RALGPS1: variants seen among roughly 807,000 people sequenced by gnomAD.
The protein encoded by RALGPS1 is ras-specific guanine nucleotide-releasing factor RalGPS1.
A neutral mutation model predicts 78.8 loss-of-function variants in RALGPS1; 19 were observed. That is an observed-to-expected ratio of 0.24 (90% CI 0.17 to 0.35). The LOEUF is 0.35. Ranked by LOEUF, RALGPS1 falls within the 10% of genes least tolerant of loss-of-function variation. RALGPS1 has a pLI of 1.00. For missense variants in RALGPS1, 454 were observed against 688.3 expected (o/e 0.66, Z 3.81); for synonymous variants, 228 against 256.3 (o/e 0.89, Z 1.06).
chr9:127,204,558 G>A (rs2061828917), intron 14 of RALGPS1, among the ~76,000 whole-genome samples: 1 of 152,146 alleles, frequency 6.6e-6, no homozygotes, highest in South Asian at 2.1e-4. Flanking sequence ...ATGGACTGGA[G>A]TGATGGCAAA....
chr9:127,029,281 G>A (rs1255188586), intron 4 of RALGPS1, among the ~76,000 whole-genome samples: 1 of 152,124 alleles, frequency 6.6e-6, no homozygotes. Flanking sequence ...ACCCACTCTG[G>A]TCAGGTCCCC....
intron 8 of RALGPS1, chr9:127,087,796 C>T (rs12554810): frequency 0.018 from 2,751 of 152,306 alleles, 41 homozygotes; most frequent in Non-Finnish European, 0.03. Flanking sequence ...AGCCTGAGAG[C>T]GTGGAATCTC....
At chr9:127,090,095 G>A (rs147321533) in intron 8 of RALGPS1, among the ~76,000 whole-genome samples, 2 of 152,294 alleles carry the variant, frequency 1.3e-5, no homozygotes, top group South Asian at 2.1e-4. Flanking sequence ...GGTCCCTCTG[G>A]GCCATGATTC....
intron 1 of RALGPS1, among the ~76,000 whole-genome samples, chr9:126,915,183 T>C (rs1588412100): frequency 9.9e-6 from 1 of 100,636 alleles, no homozygotes; most frequent in South Asian, 3.4e-4. Flanking sequence ...CGCCGGGGCC[T>C]GGCCGGGGTC....
intron 4 of RALGPS1, among the ~76,000 whole-genome samples, chr9:127,023,535 T>C (rs1228304224): frequency 3.3e-5 from 5 of 152,188 alleles, no homozygotes; most frequent in Non-Finnish European, 7.4e-5. Context: ...GCTGGTCTTC[T>C]TCCAGGGAGG....
chr9:127,007,654 G>A lies in RALGPS1; in HGVS notation c.217-26777G>A, dbSNP rs913162842. On this transcript the variant is annotated intron_variant, in intron 4 of 18. Coordinates refer to ENST00000259351, the MANE Select transcript of RALGPS1 (RefSeq NM_014636.3). ...GAGGGAGCAGCATGTACCAAGGCCT[G>A]AGGCAAGAGAAAGCAAGACAGGGAG... is the stretch of plus-strand genomic sequence containing the variant. Among the ~76,000 whole-genome samples the A allele has an allele frequency of 2.6e-5, 4 of 152,186 alleles. No individual in the cohort carries two copies. In the South Asian group the frequency reaches 8.3e-4, roughly 32 times the overall value.
intron 17 of RALGPS1, among the ~76,000 whole-genome samples, chr9:127,214,357 G>C (rs2062455177): frequency 6.6e-6 from 1 of 152,094 alleles, no homozygotes; most frequent in African/African-American, 2.4e-5. Context: ...CTCTTTTACA[G>C]TGCAGTATCG....
intron 8 of RALGPS1, chr9:127,093,682 G>C (rs1224224381): frequency 6.2e-7 from 1 of 1,600,558 alleles, no homozygotes; most frequent in Non-Finnish European, 8.5e-7. Flanking sequence ...CCTCTCTTGG[G>C]GTGGGCCAGT....
At chr9:127,017,585 T>C (rs2044974987) in intron 4 of RALGPS1, among the ~76,000 whole-genome samples, 1 of 152,202 alleles carries the variant, frequency 6.6e-6, no homozygotes, top group Non-Finnish European at 1.5e-5. Flanking sequence ...TTTTCTTCAA[T>C]AATAAATTAA....
chr9:127,217,072 T>G lies in RALGPS1; in HGVS notation c.1645-1668T>G. On this transcript the variant is annotated intron_variant, in intron 18 of 18. Transcript: ENST00000259351. ...CCTGAGTAAAACCCATTGTCCCTCTTTGGAGGAGCGGCCAGAGGATGACAG... is the reference window on the plus strand; with the variant it reads ...CCTGAGTAAAACCCATTGTCCCTCTGTGGAGGAGCGGCCAGAGGATGACAG... 3 of 1,404,904 alleles carry G rather than the reference T, an allele frequency of 2.1e-6. No individual in the cohort carries two copies. The South Asian group carries it at 4.9e-5, about 23-fold the overall frequency. 87.0% of individuals were successfully genotyped at this position (1,404,904 alleles called of 1,614,324 possible).
chr9:127,110,639 T>TCC (rs1329890687), intron 8 of RALGPS1, among the ~76,000 whole-genome samples: 1 of 152,206 alleles, frequency 6.6e-6, no homozygotes, highest in African/African-American at 2.4e-5. Flanking sequence ...AACTCGTTTT[T>TCC]CCCCGTATCT....
intron 8 of RALGPS1, among the ~76,000 whole-genome samples, chr9:127,141,633 A>T (rs1658972198): frequency 6.6e-6 from 1 of 151,210 alleles, no homozygotes; most frequent in Admixed American, 6.6e-5. Context: ...AAAAAAAAAA[A>T]AAAAAAAGAA....
At chr9:127,040,912 A>G (rs944946007) in intron 5 of RALGPS1, among the ~76,000 whole-genome samples, 6 of 152,110 alleles carry the variant, frequency 3.9e-5, no homozygotes, top group Non-Finnish European at 8.8e-5. Context: ...TTGTATGTGT[A>G]TATTCCATTG....
chr9:127,188,763 TGA>T (rs2060827784), intron 11 of RALGPS1, among the ~76,000 whole-genome samples: 1 of 146,020 alleles, frequency 6.8e-6, no homozygotes, highest in African/African-American at 2.5e-5. Flanking sequence ...GCCAGGAGCT[TGA>T]GACCAGCCTG....
At chr9:127,043,529 C>T (rs1283091795) in intron 5 of RALGPS1, among the ~76,000 whole-genome samples, 1 of 152,002 alleles carries the variant, frequency 6.6e-6, no homozygotes, top group African/African-American at 2.4e-5. Flanking sequence ...AGAAGAAAAC[C>T]TGTATGACCT....
chr9:127,067,184 A>G (rs982874265), intron 7 of RALGPS1, among the ~76,000 whole-genome samples: 2 of 152,190 alleles, frequency 1.3e-5, no homozygotes, highest in African/African-American at 4.8e-5. Flanking sequence ...AGCAAGTAGA[A>G]GATGGTGTTT....
At chr9:127,108,801 G>GA in intron 8 of RALGPS1, 2 of 1,463,112 alleles carry the variant, frequency 1.4e-6, no homozygotes, top group Non-Finnish European at 1.8e-6. Flanking sequence ...ACAGAGGGGA[G>GA]AATCAGTGAT....
At chr9:127,045,754 C>CACAT (rs1554804738) in intron 5 of RALGPS1, among the ~76,000 whole-genome samples, 81 of 45,690 alleles carry the variant, frequency 1.8e-3, no homozygotes, top group African/African-American at 3.8e-3. Flanking sequence ...CACACACACA[C>CACAT]ACACACATAC....
intron 2 of RALGPS1, among the ~76,000 whole-genome samples, chr9:126,965,098 C>T (rs2039343170): frequency 6.6e-6 from 1 of 152,208 alleles, no homozygotes; most frequent in East Asian, 1.9e-4. Flanking sequence ...AAATCAGCCA[C>T]ATTTGAGGAG....
Sources: gnomAD v4.1 joint callset for allele counts (sites outside exome capture counted in the v4.1 genomes callset) on GRCh38, gnomAD v4.1.1 for gene constraint, MANE v1.5 for transcripts, NCBI Gene and HGNC (gene_info 2026-07-23, HGNC 2026-07-21) for gene names.